Variants in WASHC2A observed in about 807,000 individuals in gnomAD.
The protein encoded by WASHC2A is WASH complex subunit FAM21A.
A neutral mutation model predicts 140.3 loss-of-function variants in WASHC2A; 82 were observed. The ratio of observed to expected loss-of-function variants is 0.58; its 90% CI spans 0.49 to 0.70. The LOEUF is 0.70. Ranked by LOEUF, WASHC2A falls within the 30% of genes least tolerant of loss-of-function variation. The pLI is 0.00. For missense variants in WASHC2A, 985 were observed against 1,521.8 expected (o/e 0.65, Z 5.87); for synonymous variants, 340 against 560.8 (o/e 0.61, Z 5.56).
In WASHC2A at chr10:50,087,319, C is replaced by T. The variant is rs1839473516; in HGVS notation, c.729C>T (p.Asn243=). ...DFAHHSDNEQ[N]RHTTQMSDEE... is the part of the protein sequence containing the mutation. ...CCCATCATAGTGACAATGAACAAAACCGGGTAAGGCTCATATATTGAAATG... is the reference window on the plus strand; with the variant it reads ...CCCATCATAGTGACAATGAACAAAATCGGGTAAGGCTCATATATTGAAATG... The change falls in exon 8 of 31, where the codon AAC becomes AAT. Residue 243 remains asparagine (N), a synonymous_variant. Transcript: ENST00000282633. The T allele has an allele frequency of 1.2e-6, 2 of 1,613,810 alleles. No individual in the cohort carries two copies. Among genetic ancestry groups the T allele is most frequent in the Admixed American group, 1.7e-5 (1 of 59,986 alleles).
chr10:50,111,978 A>G (rs1237764416), intron 20 of WASHC2A, among the ~76,000 whole-genome samples: 2 of 152,168 alleles, frequency 1.3e-5, no homozygotes, highest in Non-Finnish European at 2.9e-5. Flanking sequence ...CAGTGAGCCA[A>G]GATCTCACCA....
intron 8 of WASHC2A, among the ~76,000 whole-genome samples, chr10:50,090,188 G>T (rs1839753155): frequency 6.6e-6 from 1 of 151,256 alleles, no homozygotes; most frequent in Non-Finnish European, 1.5e-5. Flanking sequence ...TTATATTCTT[G>T]TTGTTACATT....
At position 50,069,570 on chromosome 10, in the gene WASHC2A, C is replaced by A. The variant is rs1214103607; in HGVS notation, c.150C>A (p.Phe50Leu). 6.2e-7 allele frequency: 1 copy of A among 1,613,198 alleles called. No homozygotes were observed. The highest frequency in any genetic ancestry group is 8.5e-7 in the Non-Finnish European group (1 of 1,179,722). The change falls in exon 3 of 31, where the codon TTC becomes TTA. Residue 50 changes from phenylalanine to leucine, a missense_variant. Coordinates refer to ENST00000282633, the MANE Select transcript of WASHC2A (RefSeq NM_001005751.3). Reference protein sequence around the residue: ...DAGLLQFLQEFSQQTISRTHE... With the variant: ...DAGLLQFLQELSQQTISRTHE... ...AGCTACTACAGTTTCTACAGGAATT[C>A]TCACAGCAAACTATCTCTAGGACCC...
intron 5 of WASHC2A, among the ~76,000 whole-genome samples, chr10:50,083,043 G>A (rs1839052733): frequency 8.7e-6 from 1 of 115,410 alleles, no homozygotes; most frequent in African/African-American, 3.6e-5. Flanking sequence ...TTGTTGCCCA[G>A]GCTGGAGTGG....
intron 7 of WASHC2A, among the ~76,000 whole-genome samples, chr10:50,085,947 C>G (rs1477544431): frequency 6.6e-6 from 1 of 151,510 alleles, no homozygotes; most frequent in Admixed American, 6.6e-5. Context: ...CTTTTGTAAA[C>G]TATAAAACCT....
chr10:50,129,097 CAGAG>C (rs1485692621), intron 28 of WASHC2A, among the ~76,000 whole-genome samples: 1 of 152,132 alleles, frequency 6.6e-6, no homozygotes, highest in African/African-American at 2.4e-5. Context: ...GGTTGTGAGA[CAGAG>C]AGCCAACATA....
intron 28 of WASHC2A, among the ~76,000 whole-genome samples, chr10:50,128,465 G>A (rs1041703465): frequency 6.6e-5 from 10 of 152,224 alleles, no homozygotes; most frequent in Non-Finnish European, 1.3e-4. Flanking sequence ...ACCCTTTGAA[G>A]TTTTCCTTTC....
intron 5 of WASHC2A, among the ~76,000 whole-genome samples, chr10:50,083,422 A>G (rs1396381172): frequency 8.8e-6 from 1 of 114,026 alleles, no homozygotes; most frequent in Admixed American, 8.6e-5. Context: ...ACCTTATACT[A>G]GGAGGTTGTA....
At chr10:50,070,027 G>C (rs1385627044) in intron 3 of WASHC2A, among the ~76,000 whole-genome samples, 1 of 152,148 alleles carries the variant, frequency 6.6e-6, no homozygotes, top group Non-Finnish European at 1.5e-5. Flanking sequence ...GATCTGTAAG[G>C]ACAGCTGTTT....
intron 8 of WASHC2A, among the ~76,000 whole-genome samples, chr10:50,090,556 A>G (rs1474099526): frequency 2.8e-5 from 4 of 140,588 alleles, no homozygotes; most frequent in Non-Finnish European, 6.2e-5. Flanking sequence ...ATATATTTAT[A>G]TTTTATATAT....
rs568802593 is a variant in WASHC2A, at chr10:50,087,008, G to A, written c.685-267G>A. ...CCAAAGGCAAGAGTTGAAAGTGCAG[G>A]TGATGTGAACAAATTGTTAGAGGCA... is the stretch of plus-strand genomic sequence containing the variant. On this transcript the variant is annotated intron_variant, in intron 7 of 30. Transcript: ENST00000282633. 3.0e-4 allele frequency among the ~76,000 whole-genome samples: 43 copies of A among 142,940 alleles called. 1 individual carries two copies. The highest frequency in any genetic ancestry group is 3.5e-3 in the Middle Eastern group (1 of 286). 93.8% of individuals were successfully genotyped at this position (142,940 alleles called of 152,430 possible).
At position 50,083,677 on chromosome 10, in the gene WASHC2A, C is replaced by T. The variant is rs540402475; in HGVS notation, c.529-395C>T. Among the ~76,000 whole-genome samples, 490 of 114,344 alleles carry T rather than the reference C, an allele frequency of 4.3e-3. 111 individuals are homozygous for T. Among genetic ancestry groups the T allele is most frequent in the African/African-American group, 0.017 (468 of 26,794 alleles). The allele number at this position is 114,344 out of a possible 152,430, so 75.0% of individuals were successfully genotyped here. On this transcript the variant is annotated intron_variant, in intron 5 of 30. Coordinates refer to ENST00000282633, the MANE Select transcript of WASHC2A (RefSeq NM_001005751.3). ...GTTCAAGTGATTCTCCTGCCTCAGC[C>T]GCCCGAGTAGCTAGGATGACAGTTA...
At chr10:50,111,430 C>T (rs1217027080) in intron 20 of WASHC2A, among the ~76,000 whole-genome samples, 1 of 151,992 alleles carries the variant, frequency 6.6e-6, no homozygotes, top group African/African-American at 2.4e-5. Context: ...CTGATTCTGC[C>T]AGTTCCTGTC....
Position 50,125,182 on chromosome 10 carries a change from A to C in WASHC2A, c.2548A>C (p.Lys850Gln), listed in dbSNP as rs1554894547. The C allele has an allele frequency of 1.4e-5, 23 of 1,610,826 alleles. No homozygotes were observed. In the South Asian group the frequency reaches 2.3e-4, roughly 16 times the overall value. ...GGATGAAGAGCTGCTTTTCAGCCAC[A>C]AGCTCCAAAAGGACAATGACCCAGA... ...FQDEELLFSH[K>Q]LQKDNDPDVD... The change falls in exon 24 of 31, where the codon AAG becomes CAG. Residue 850 changes from lysine to glutamine, a missense_variant. Physicochemically the swap from Lys to Gln is moderately conservative, Grantham distance 53. Transcript: ENST00000282633.
At chr10:50,076,622 GATTT>G (rs555153276) in intron 3 of WASHC2A, among the ~76,000 whole-genome samples, 25 of 152,228 alleles carry the variant, frequency 1.6e-4, no homozygotes, top group Non-Finnish European at 3.2e-4. Flanking sequence ...TGACTATTAA[GATTT>G]ATTTATTCCC....
rs1386564731 is a variant in WASHC2A, at chr10:50,132,747, C to G, written c.3887-59C>G. ...TCTTTGGTGGTTTGCTTGCATGTGTCTTAAAAGTACCTTTCTCCACCCCTC... is the reference window on the plus strand; with the variant it reads ...TCTTTGGTGGTTTGCTTGCATGTGTGTTAAAAGTACCTTTCTCCACCCCTC... On this transcript the variant is annotated intron_variant, in intron 30 of 30. Transcript: ENST00000282633. 91 of 1,612,030 alleles carry G rather than the reference C, an allele frequency of 5.6e-5. No homozygotes were observed. The African/African-American group carries it at 7.3e-4, about 13-fold the overall frequency.
In WASHC2A at chr10:50,095,751, G is replaced by A. The variant is rs1469730086; in HGVS notation, c.1393G>A (p.Ala465Thr). 33 of 1,609,846 alleles carry A rather than the reference G, an allele frequency of 2.0e-5. 1 individual carries two copies. The Admixed American group carries it at 5.2e-4, about 25-fold the overall frequency. Residue 465 changes from alanine to threonine, a missense_variant, in exon 15 of 31, where the codon GCA (alanine) becomes ACA (threonine). Coordinates refer to ENST00000282633, the MANE Select transcript of WASHC2A (RefSeq NM_001005751.3). ...TGATGATGATGACGACTTTTTCTCG[G>A]CACCCCACAGCAAACCTTCTAAAAC... ...DGDDDDDFFS[A>T]PHSKPSKTGK... is the part of the protein sequence containing the mutation.
chr10:50,097,844 C>A (rs1414519537), intron 16 of WASHC2A, 42 bp downstream of exon 16: 83 of 1,611,382 alleles, frequency 5.2e-5, no homozygotes, highest in East Asian at 1.1e-4. Flanking sequence ...ATTGATCTGC[C>A]GCATTTTAAT....
intron 23 of WASHC2A, among the ~76,000 whole-genome samples, chr10:50,120,145 A>G (rs1462077497): frequency 1.4e-5 from 2 of 145,796 alleles, no homozygotes; most frequent in Non-Finnish European, 3.0e-5. Context: ...TGAACCTTTC[A>G]TACTGATCAG....
Sources: allele counts gnomAD v4.1 joint callset (sites outside exome capture counted in the v4.1 genomes callset), GRCh38; gene constraint gnomAD v4.1.1; transcripts MANE v1.5; gene names NCBI Gene and HGNC (gene_info 2026-07-23, HGNC 2026-07-21).